The following MEIKIN variants were observed in gnomAD, a reference collection of about 807,000 sequenced individuals.
MEIKIN encodes the protein meiotic kinetochore factor.
rs376860771 is a variant in MEIKIN, at chr5:131,887,172, T to C, written c.704-8124A>G. Among the ~76,000 whole-genome samples, 9 of 152,208 alleles carry C rather than the reference T, an allele frequency of 5.9e-5. No homozygotes were observed. The East Asian group carries it at 1.5e-3, about 26-fold the overall frequency. ...CAAAGGACATGAACTCATACTTTTT[T>C]ATGGCTGCACAGTATTCCATGGGGT... On this transcript the variant is annotated intron_variant, in intron 8 of 12. Transcript: ENST00000442687.
chr5:131,831,778 C>G (rs1749719782), intron 11 of MEIKIN, among the ~76,000 whole-genome samples: 1 of 152,078 alleles, frequency 6.6e-6, no homozygotes, highest in Admixed American at 6.5e-5. Context: ...GTGAAAGGCA[C>G]TTCTTACATG....
At chr5:131,869,784 T>C (rs1750453474) in intron 9 of MEIKIN, among the ~76,000 whole-genome samples, 1 of 152,228 alleles carries the variant, frequency 6.6e-6, no homozygotes, top group South Asian at 2.1e-4. Context: ...CAGCAATTCA[T>C]CAACACTGTT....
intron 8 of MEIKIN, among the ~76,000 whole-genome samples, chr5:131,885,163 G>A (rs867228120): frequency 6.6e-5 from 10 of 152,134 alleles, no homozygotes; most frequent in Admixed American, 1.3e-4. Flanking sequence ...TGTTTGCAGA[G>A]CCTTAGGGCC....
At chr5:131,907,741 A>G (rs1751266771) in intron 8 of MEIKIN, among the ~76,000 whole-genome samples, 1 of 151,742 alleles carries the variant, frequency 6.6e-6, no homozygotes, top group Non-Finnish European at 1.5e-5. Context: ...GCGTGGTGGC[A>G]TGCGCCTGTA....
intron 8 of MEIKIN, among the ~76,000 whole-genome samples, chr5:131,902,682 C>A (rs568126503): frequency 6.6e-5 from 10 of 152,162 alleles, no homozygotes; most frequent in African/African-American, 2.4e-4. Flanking sequence ...ACTGAAGAAA[C>A]ATCAGCCCAC....
chr5:131,860,754 CTTTTT>C (rs35117395), intron 9 of MEIKIN, among the ~76,000 whole-genome samples: 84 of 51,004 alleles, frequency 1.6e-3, no homozygotes, highest in African/African-American at 6.4e-3. Context: ...GCCTGTTTGG[CTTTTT>C]TTTTTTTTTT....
intron 11 of MEIKIN, among the ~76,000 whole-genome samples, chr5:131,824,157 C>A (rs1490948074): frequency 1.3e-5 from 2 of 152,134 alleles, no homozygotes; most frequent in Non-Finnish European, 2.9e-5. Flanking sequence ...CCTTTCCCTC[C>A]AGTGTGGTGA....
At chr5:131,853,790 A>G (rs1244833050) in intron 10 of MEIKIN, among the ~76,000 whole-genome samples, 2 of 152,190 alleles carry the variant, frequency 1.3e-5, no homozygotes, top group Non-Finnish European at 2.9e-5. Flanking sequence ...CAAAACCATA[A>G]TGAGATACCA....
intron 11 of MEIKIN, among the ~76,000 whole-genome samples, chr5:131,845,917 CAT>C (rs1267425968): frequency 6.6e-6 from 1 of 152,074 alleles, no homozygotes; most frequent in Admixed American, 6.6e-5. Flanking sequence ...TGATAAAAGA[CAT>C]AAACATCTAA....
chr5:131,844,102 A>G (rs1218535055), intron 11 of MEIKIN, among the ~76,000 whole-genome samples: 2 of 152,120 alleles, frequency 1.3e-5, no homozygotes, highest in Admixed American at 6.6e-5. Flanking sequence ...AGTGCCACAC[A>G]CTTTCAAACA....
chr5:131,807,162 G>A lies in MEIKIN; in HGVS notation c.*74C>T, dbSNP rs373922785. 12 of 398,218 alleles carry A rather than the reference G, an allele frequency of 3.0e-5. No individual in the cohort carries two copies. Among genetic ancestry groups the A allele is most frequent in the Non-Finnish European group, 3.5e-5 (8 of 225,992 alleles). 24.7% of individuals were successfully genotyped at this position (398,218 alleles called of 1,614,324 possible). A position where few individuals can be genotyped will look rare whatever the true frequency, so the allele number is the denominator to read the frequency against. On this transcript the variant is annotated 3_prime_UTR_variant, in exon 13 of 13. Transcript: ENST00000442687. ...TTTTAATTTCATATAATTTCAGGCA[G>A]ACATTCTGCTTTATAGACTTTGACT...
At chr5:131,858,291 C>A (rs1016785858) in intron 9 of MEIKIN, among the ~76,000 whole-genome samples, 1 of 152,344 alleles carries the variant, frequency 6.6e-6, no homozygotes, top group Admixed American at 6.5e-5. Flanking sequence ...TGCACACCTA[C>A]AACCATCTGA....
intron 9 of MEIKIN, among the ~76,000 whole-genome samples, chr5:131,874,923 G>C (rs893432943): frequency 6.6e-6 from 1 of 152,142 alleles, no homozygotes; most frequent in African/African-American, 2.4e-5. Flanking sequence ...TGCAGAAAAG[G>C]CCTTCAACAA....
intron 9 of MEIKIN, among the ~76,000 whole-genome samples, chr5:131,871,980 C>A (rs896637460): frequency 3.9e-5 from 6 of 152,084 alleles, no homozygotes; most frequent in African/African-American, 1.4e-4. Context: ...AGGACATCCA[C>A]CCCAAAAACC....
At chr5:131,916,162 T>C (rs1751413032) in intron 7 of MEIKIN, among the ~76,000 whole-genome samples, 1 of 152,154 alleles carries the variant, frequency 6.6e-6, no homozygotes, top group Admixed American at 6.5e-5. Flanking sequence ...CTTAAGAAAA[T>C]ATTACATTAT....
At position 131,918,029 on chromosome 5, in the gene MEIKIN, G is replaced by A. The variant is rs576560324; in HGVS notation, c.599-1104C>T. ...GACAAAGTGACTGGTTCAGGGTAAG[G>A]CATATAAACTAATGAAGCCCATGTG... On this transcript the variant is annotated intron_variant, in intron 6 of 12. Transcript: ENST00000442687. Among the ~76,000 whole-genome samples the A allele has an allele frequency of 7.2e-5, 11 of 152,276 alleles. No homozygotes were observed. The South Asian group carries it at 2.3e-3, about 32-fold the overall frequency.
At chr5:131,828,386 C>T (rs1233985139) in intron 11 of MEIKIN, among the ~76,000 whole-genome samples, 1 of 152,114 alleles carries the variant, frequency 6.6e-6, no homozygotes, top group Non-Finnish European at 1.5e-5. Flanking sequence ...TGGTCTTGAA[C>T]TCCTGAGCTC....
intron 11 of MEIKIN, among the ~76,000 whole-genome samples, chr5:131,833,819 C>T (rs1415291884): frequency 6.6e-6 from 1 of 152,176 alleles, no homozygotes; most frequent in South Asian, 2.1e-4. Flanking sequence ...CAAACCATAT[C>T]AGTAACCAAA....
chr5:131,930,037 C>A (rs942943197), intron 5 of MEIKIN, among the ~76,000 whole-genome samples: 1 of 152,078 alleles, frequency 6.6e-6, no homozygotes, highest in Non-Finnish European at 1.5e-5. Context: ...GGAAATATAT[C>A]CAGTAATAGG....
Sources: gnomAD v4.1 joint callset for allele counts (sites outside exome capture counted in the v4.1 genomes callset) on GRCh38, gnomAD v4.1.1 for gene constraint, MANE v1.5 for transcripts, NCBI Gene and HGNC (gene_info 2026-07-23, HGNC 2026-07-21) for gene names.